The following OTOA variants were observed in gnomAD, a reference collection of about 807,000 sequenced individuals.
OTOA encodes the protein otoancorin, also known as cancer/testis antigen 108.
Under a neutral mutation model 110.8 loss-of-function variants are expected in OTOA, and 70 were observed. The observed-to-expected ratio is 0.63, with a 90% CI of 0.52 to 0.77. OTOA has a LOEUF of 0.77. Ranked by LOEUF, OTOA falls within the 30% of genes least tolerant of loss-of-function variation. The pLI is 0.00. For missense variants in OTOA, 917 were observed against 1,075.8 expected (o/e 0.85, Z 2.06); for synonymous variants, 373 against 431.5 (o/e 0.86, Z 1.68).
intron 11 of OTOA, among the ~76,000 whole-genome samples, chr16:21,703,015 A>T (rs1314011030): frequency 1.3e-5 from 2 of 152,150 alleles, no homozygotes; most frequent in African/African-American, 4.8e-5. Flanking sequence ...TGATAAATAA[A>T]AATTATATCT....
At chr16:21,759,080 T>C (rs1407951224) in intron 28 of OTOA, among the ~76,000 whole-genome samples, 3 of 152,170 alleles carry the variant, frequency 2.0e-5, no homozygotes, top group East Asian at 1.9e-4. Context: ...GTAAATGTTA[T>C]AGCGTTTTGC....
At chr16:21,701,601 T>C (rs1334962472) in intron 11 of OTOA, among the ~76,000 whole-genome samples, 1 of 152,092 alleles carries the variant, frequency 6.6e-6, no homozygotes, top group African/African-American at 2.4e-5. Flanking sequence ...TACAGCTCAA[T>C]ACTCCCTCCT....
rs1316682850 is a variant in OTOA, at chr16:21,685,265, C to G, written c.303C>G (p.His101Gln). The G allele has an allele frequency of 6.2e-7, 1 of 1,613,112 alleles. No homozygotes were observed. The highest frequency in any genetic ancestry group is 8.5e-7 in the Non-Finnish European group (1 of 1,179,360). ...AVENHLEQRLHQPQKLLEDLR... is the reference protein window; with the variant it reads ...AVENHLEQRLQQPQKLLEDLR... Reference sequence around the variant, plus strand: ...AAAACCACCTGGAGCAGCGTCTGCACCAGCCCCAGAAGCTGCTGGAGGACC... The same window carrying G: ...AAAACCACCTGGAGCAGCGTCTGCAGCAGCCCCAGAAGCTGCTGGAGGACC... The change falls in exon 7 of 29, where the codon CAC becomes CAG. Residue 101 changes from histidine (H) to glutamine (Q), a missense_variant. Around this residue, in one of 6 missense-constraint regions of OTOA, gnomAD observed 840 missense variants for 910.2 expected, o/e 0.92. Coordinates refer to ENST00000646100, the MANE Select transcript of OTOA (RefSeq NM_144672.4).
At chr16:21,705,800 G>A (rs772523256) in intron 12 of OTOA, among the ~76,000 whole-genome samples, 85 of 152,210 alleles carry the variant, frequency 5.6e-4, no homozygotes, top group African/African-American at 1.6e-3. Context: ...AAAAACAGGC[G>A]TGGTGGCATG....
intron 8 of OTOA, 41 bp from the exon 9 acceptor site, chr16:21,691,543 C>T (rs751255122): frequency 1.3e-6 from 2 of 1,544,450 alleles, no homozygotes; most frequent in South Asian, 1.1e-5. Flanking sequence ...GCAGCCCCCA[C>T]CTGCTTGTTA....
Position 21,685,272 on chromosome 16 carries a change from C to A in OTOA, c.310C>A (p.Gln104Lys), listed in dbSNP as rs761937183. The change falls in exon 7 of 29, where the codon CAG becomes AAG. Residue 104 changes from glutamine to lysine, a missense_variant. Physicochemically the swap from Gln to Lys is moderately conservative, Grantham distance 53 (BLOSUM62 1). Around this residue, in one of 6 missense-constraint regions of OTOA, gnomAD observed 840 missense variants for 910.2 expected, o/e 0.92. Coordinates refer to ENST00000646100, the MANE Select transcript of OTOA (RefSeq NM_144672.4). ...CCTGGAGCAGCGTCTGCACCAGCCC[C>A]AGAAGCTGCTGGAGGACCTGAGGAA... is the stretch of plus-strand genomic sequence containing the variant. The part of the protein sequence containing the change: ...NHLEQRLHQP[Q>K]KLLEDLRKTD... The A allele has an allele frequency of 1.9e-6, 3 of 1,613,222 alleles. No homozygotes were observed. The East Asian group carries it at 6.7e-5, about 36-fold the overall frequency.
chr16:21,744,555 TG>T (rs1458844037), intron 23 of OTOA, among the ~76,000 whole-genome samples: 1 of 111,728 alleles, frequency 9.0e-6, no homozygotes, highest in Non-Finnish European at 1.9e-5. Flanking sequence ...TTCTGGGGGG[TG>T]AGAAATCAAA....
At chr16:21,718,409 G>T (rs977397512) in intron 15 of OTOA, among the ~76,000 whole-genome samples, 3 of 152,082 alleles carry the variant, frequency 2.0e-5, no homozygotes, top group Non-Finnish European at 4.4e-5. Context: ...AAATCTCTGG[G>T]GCCACAAACA....
At chr16:21,722,717 T>C (rs900356580) in intron 17 of OTOA, among the ~76,000 whole-genome samples, 188 bp from the exon 18 acceptor site, 12 of 152,180 alleles carry the variant, frequency 7.9e-5, no homozygotes, top group African/African-American at 2.9e-4. Flanking sequence ...ATGTCCGTGT[T>C]CATGTTTGTT....
intron 18 of OTOA, among the ~76,000 whole-genome samples, chr16:21,723,414 C>A (rs927247701): frequency 6.6e-6 from 1 of 151,028 alleles, no homozygotes; most frequent in Admixed American, 6.6e-5. Context: ...TTCCCTCTAC[C>A]TTTTTTTGCT....
At chr16:21,707,553 C>T (rs956575833) in intron 12 of OTOA, among the ~76,000 whole-genome samples, 1 of 147,472 alleles carries the variant, frequency 6.8e-6, no homozygotes, top group African/African-American at 2.5e-5. Context: ...TCCCTCCCTT[C>T]CTCCCTCCCT....
intron 20 of OTOA, among the ~76,000 whole-genome samples, chr16:21,729,167 T>C (rs937949156): frequency 2.0e-5 from 3 of 151,944 alleles, no homozygotes; most frequent in Non-Finnish European, 2.9e-5. Flanking sequence ...CCCAAGTAGC[T>C]GGGACCACAG....
chr16:21,707,592 CTTTT>C (rs1326080021), intron 12 of OTOA, among the ~76,000 whole-genome samples: 2 of 107,282 alleles, frequency 1.9e-5, no homozygotes, highest in African/African-American at 3.6e-5. Flanking sequence ...CTTCTCCTTC[CTTTT>C]CTTTCTTTCT....
At chr16:21,687,944 A>G (rs953557773) in intron 8 of OTOA, among the ~76,000 whole-genome samples, 6 of 151,904 alleles carry the variant, frequency 3.9e-5, no homozygotes, top group African/African-American at 1.5e-4. Flanking sequence ...GATTACGGGC[A>G]TGAGCCACTG....
chr16:21,680,355 T>A (rs562445126), intron 5 of OTOA, among the ~76,000 whole-genome samples: 1 of 151,402 alleles, frequency 6.6e-6, no homozygotes, highest in Non-Finnish European at 1.5e-5. Context: ...CTACTAAAAG[T>A]ACAAAAGAAT....
At chr16:21,729,149 C>T (rs1299538571) in intron 20 of OTOA, among the ~76,000 whole-genome samples, 1 of 151,960 alleles carries the variant, frequency 6.6e-6, no homozygotes, top group Non-Finnish European at 1.5e-5. Flanking sequence ...ATCCTCCCAC[C>T]TGAGCCTCCC....
rs1381926617 is a variant in OTOA, at chr16:21,705,270, G to T, written c.1082G>T (p.Gly361Val). ...YQMIKCSHLR[G>V]FQAGVQKLKA... ...ATGATCAAGTGCAGCCACCTGAGGG[G>T]CTTCCAGGCTGGCGTCCAGAAGGTA... is the stretch of plus-strand genomic sequence containing the variant. Residue 361 changes from glycine to valine, a missense_variant, in exon 12 of 29, where the codon GGC (glycine) becomes GTC (valine). This residue lies in a region of OTOA where 840 missense variants were observed against 910.2 expected (regional missense o/e 0.92). Coordinates refer to ENST00000646100, the MANE Select transcript of OTOA (RefSeq NM_144672.4). 1.9e-5 allele frequency: 30 copies of T among 1,613,926 alleles called. No individual in the cohort carries two copies. Among genetic ancestry groups the T allele is most frequent in the Non-Finnish European group, 2.5e-5 (30 of 1,180,024 alleles).
chr16:21,714,905 G>T, intron 13 of OTOA, 80 bp from the exon 14 acceptor site: 1 of 1,576,282 alleles, frequency 6.3e-7, no homozygotes, highest in Non-Finnish European at 8.7e-7. Context: ...CCCTATACTT[G>T]GCACATAGAT....
chr16:21,712,390 C>A (rs900195691), intron 13 of OTOA, among the ~76,000 whole-genome samples: 11 of 151,742 alleles, frequency 7.2e-5, no homozygotes, highest in Non-Finnish European at 1.5e-4. Context: ...AGAGACTACT[C>A]CTTAAAGGTC....
Sources: gnomAD v4.1 joint callset for allele counts (sites outside exome capture counted in the v4.1 genomes callset) on GRCh38, gnomAD v4.1.1 for gene constraint, gnomAD v4.1.1 regional missense constraint, MANE v1.5 for transcripts, NCBI Gene and HGNC (gene_info 2026-07-23, HGNC 2026-07-21) for gene names.